SNX31: variants seen among roughly 807,000 people sequenced by gnomAD.
The protein encoded by SNX31 is sorting nexin 31, also known as sorting nexin-31.
SNX31 carries 58 observed loss-of-function variants against 65.4 expected under a neutral mutation model. The ratio of observed to expected loss-of-function variants is 0.89; its 90% confidence interval spans 0.72 to 1.10. SNX31 has a LOEUF of 1.10. SNX31 is among the 50% of genes least tolerant of loss of function. The pLI, the probability that SNX31 is intolerant of heterozygous loss-of-function variation, is 0.00. For synonymous variants in SNX31, 181 were observed against 190.1 expected (o/e 0.95, Z 0.39); for missense variants, 523 against 529.7 (o/e 0.99, Z 0.12).
At chr8:100,642,973 C>T (rs1819362232) in intron 2 of SNX31, among the ~76,000 whole-genome samples, 1 of 151,912 alleles carries the variant, frequency 6.6e-6, no homozygotes, top group Non-Finnish European at 1.5e-5. Flanking sequence ...GGCAGATCAC[C>T]TGAGGTCAGG....
At chr8:100,583,773 C>T (rs1202531814) in intron 12 of SNX31, among the ~76,000 whole-genome samples, 1 of 152,206 alleles carries the variant, frequency 6.6e-6, no homozygotes, top group African/African-American at 2.4e-5. Flanking sequence ...CCTCAAGACC[C>T]TGACTTGAAG....
upstream of SNX31, chr8:100,649,684 G>A (rs1376050234): frequency 3.6e-6 from 2 of 550,078 alleles, no homozygotes; most frequent in Non-Finnish European, 3.1e-6. Context: ...GGCCGGGGCC[G>A]GGCCGCGCCG....
intron 12 of SNX31, among the ~76,000 whole-genome samples, chr8:100,583,481 G>A (rs999666529): frequency 1.3e-5 from 2 of 152,018 alleles, no homozygotes; most frequent in African/African-American, 4.8e-5. Flanking sequence ...TCATGATAAC[G>A]ACTAGGCAAT....
At chr8:100,585,744 A>G (rs1440065148) in intron 11 of SNX31, among the ~76,000 whole-genome samples, 1 of 152,210 alleles carries the variant, frequency 6.6e-6, no homozygotes, top group Non-Finnish European at 1.5e-5. Context: ...AACCCTGAGC[A>G]AATGCAGCTA....
intron 1 of SNX31, among the ~76,000 whole-genome samples, chr8:100,661,427 T>A (rs893147978): frequency 1.3e-5 from 2 of 152,132 alleles, no homozygotes; most frequent in African/African-American, 4.8e-5. Flanking sequence ...ATCAAAAAAG[T>A]CCATCAAAAC....
chr8:100,575,908 G>A lies in SNX31; in HGVS notation c.1227+1111C>T, dbSNP rs751569935. ...GCTCCCCAGGTGATTCCAATGTGCA[G>A]CCAAAGTTGAGAACCACAGCTCCAT... On this transcript the variant is annotated intron_variant, in intron 13 of 13. Transcript: ENST00000311812. The surrounding 1 kb of genome is among the most constrained non-coding windows in gnomAD (Gnocchi z 5.1). Among the ~76,000 whole-genome samples the A allele has an allele frequency of 6.6e-6, 1 of 152,040 alleles. No homozygotes were observed. The highest frequency in any genetic ancestry group is 2.4e-5 in the African/African-American group (1 of 41,440).
Position 100,630,288 on chromosome 8 carries a change from C to A in SNX31, c.321+39G>T, listed in dbSNP as rs773436870. The A allele has an allele frequency of 1.9e-6, 3 of 1,597,870 alleles. No individual in the cohort carries two copies. Among genetic ancestry groups the A allele is most frequent in the Admixed American group, 3.3e-5 (2 of 59,822 alleles). On this transcript the variant is annotated intron_variant, in intron 4 of 13. Coordinates refer to ENST00000311812, the MANE Select transcript of SNX31 (RefSeq NM_152628.4). The surrounding 1 kb of genome is among the most constrained non-coding windows in gnomAD (Gnocchi z 5.3). ...CACTTGGTTCATGAAGAGTGTCCTG[C>A]AGAGGAATGATGGCCCCATTAAAGA...
intron 2 of SNX31, among the ~76,000 whole-genome samples, chr8:100,639,546 G>A (rs1467932075): frequency 6.6e-6 from 1 of 151,328 alleles, no homozygotes; most frequent in Non-Finnish European, 1.5e-5. Flanking sequence ...TACACATAAG[G>A]GGAAGAGGCT....
upstream of SNX31, among the ~76,000 whole-genome samples, chr8:100,650,207 G>C (rs1819921357): frequency 6.6e-6 from 1 of 152,128 alleles, no homozygotes; most frequent in African/African-American, 2.4e-5. Context: ...AGTTGCTGTG[G>C]AAAATAATCT....
In SNX31 at chr8:100,630,442, G is replaced by T; in HGVS notation, c.257-51C>A. ...GTTAGCATGGGCTGGGCTGGGCCCT[G>T]CCTATTAATTGCTATGTCCTCCAGA... On this transcript the variant is annotated intron_variant, in intron 3 of 13. Transcript: ENST00000311812. The surrounding 1 kb of genome is among the most constrained non-coding windows in gnomAD (Gnocchi z 5.3). The T allele has an allele frequency of 6.6e-7, 1 of 1,509,862 alleles. No homozygotes were observed. Among genetic ancestry groups the T allele is most frequent in the South Asian group, 1.2e-5 (1 of 84,462 alleles). The allele number at this position is 1,509,862 out of a possible 1,614,324, so 93.5% of individuals were successfully genotyped here. A position where few individuals can be genotyped will look rare whatever the true frequency, so the allele number is the denominator to read the frequency against.
In SNX31 at chr8:100,637,421, T is replaced by C. The variant is rs181626653; in HGVS notation, c.142-1410A>G. ...AAAATGAAAGATGGAATAAGAAAAA[T>C]GAGGCTGCAAACAGCAAGATTTTTT... On this transcript the variant is annotated intron_variant, in intron 2 of 13. Transcript: ENST00000311812. 2.3e-4 allele frequency among the ~76,000 whole-genome samples: 35 copies of C among 152,270 alleles called. No homozygotes were observed. In the East Asian group the frequency reaches 6.8e-3, roughly 29 times the overall value.
Position 100,630,333 on chromosome 8 carries a change from C to T in SNX31, c.315G>A (p.Ala105=), listed in dbSNP as rs1446734539. Residue 105 remains alanine, a synonymous_variant, in exon 4 of 14, where the codon GCG becomes GCA. Coordinates refer to ENST00000311812, the MANE Select transcript of SNX31 (RefSeq NM_152628.4). This position sits in a 1 kb window ranked among gnomAD's most constrained non-coding sequence, Gnocchi z 5.3. The part of the protein sequence containing the change: ...SDVFVEFLKL[A]QLNTFDIATK... Reference sequence around the variant, plus strand: ...TAAAGAAGAGCAAGCTTACCAGCTGCGCCAGTTTTAAAAACTCAACGAAGA... The same window carrying T: ...TAAAGAAGAGCAAGCTTACCAGCTGTGCCAGTTTTAAAAACTCAACGAAGA... The T allele has an allele frequency of 2.4e-5, 38 of 1,613,382 alleles. No individual in the cohort carries two copies. The East Asian group carries it at 6.2e-4, about 26-fold the overall frequency.
chr8:100,646,665 C>A (rs977200067), intron 2 of SNX31, among the ~76,000 whole-genome samples: 1 of 151,546 alleles, frequency 6.6e-6, no homozygotes, highest in Non-Finnish European at 1.5e-5. Context: ...GACAAGGGGA[C>A]TTTTAGAGTG....
chr8:100,590,459 A>G (rs1814469210), intron 10 of SNX31, among the ~76,000 whole-genome samples: 2 of 152,288 alleles, frequency 1.3e-5, no homozygotes, highest in South Asian at 4.1e-4. Flanking sequence ...TATTTTAGAA[A>G]TATCGGTCTG....
At chr8:100,597,043 T>C (rs1368330718) in intron 9 of SNX31, among the ~76,000 whole-genome samples, 1 of 152,208 alleles carries the variant, frequency 6.6e-6, no homozygotes, top group Non-Finnish European at 1.5e-5. Context: ...GGGAAATTCA[T>C]GGAGTGTCCT....
rs1816794415 is a variant in SNX31, at chr8:100,612,414, AC to A, written c.524-328del. On this transcript the variant is annotated intron_variant, in intron 6 of 13. Transcript: ENST00000311812. The surrounding 1 kb of genome is among the most constrained non-coding windows in gnomAD (Gnocchi z 4.3). ...CTCTACACAAGCCCCTTAACTTCCAACTCAAAACCACCTCCCCTGGCTTCTT... is the reference window on the plus strand; with the variant it reads ...CTCTACACAAGCCCCTTAACTTCCAATCAAAACCACCTCCCCTGGCTTCTT... Among the ~76,000 whole-genome samples, 1 of 151,738 alleles carries A rather than the reference AC, an allele frequency of 6.6e-6. No individual in the cohort carries two copies. The highest frequency in any genetic ancestry group is 2.1e-4 in the South Asian group (1 of 4,810).
At chr8:100,583,116 T>C (rs1450413341) in intron 12 of SNX31, among the ~76,000 whole-genome samples, 2 of 151,894 alleles carry the variant, frequency 1.3e-5, no homozygotes, top group East Asian at 1.9e-4. Context: ...TTCTTTCTTT[T>C]TTTTTTTTAA....
At chr8:100,661,979 C>T (rs1168908178) in intron 1 of SNX31, among the ~76,000 whole-genome samples, 4 of 152,180 alleles carry the variant, frequency 2.6e-5, no homozygotes, top group Non-Finnish European at 5.9e-5. Flanking sequence ...CATGCACCTC[C>T]ACGTCCAGCT....
At chr8:100,624,523 A>C (rs1817916203) in intron 4 of SNX31, among the ~76,000 whole-genome samples, 1 of 152,208 alleles carries the variant, frequency 6.6e-6, no homozygotes, top group African/African-American at 2.4e-5. Flanking sequence ...TAAGTAAACA[A>C]ACATTTTAGA....
Sources: gnomAD v4.1 joint callset for allele counts (sites outside exome capture counted in the v4.1 genomes callset) on GRCh38, gnomAD v4.1.1 for gene constraint, Gnocchi (gnomAD v3.1) non-coding constraint, MANE v1.5 for transcripts, NCBI Gene and HGNC (gene_info 2026-07-23, HGNC 2026-07-21) for gene names.